The following TANC2 variants were observed in gnomAD, a reference collection of about 807,000 sequenced individuals.
TANC2 encodes the protein tetratricopeptide repeat, ankyrin repeat and coiled-coil containing 2.
In TANC2, 26 loss-of-function variants were observed where a neutral mutation model predicts 210.5. The observed-to-expected ratio is 0.12, with a 90% CI of 0.09 to 0.17. TANC2 has a LOEUF of 0.17. Ranked by LOEUF, TANC2 falls within the 10% of genes least tolerant of loss-of-function variation. The pLI, the probability that TANC2 is intolerant of heterozygous loss-of-function variation, is 1.00. For synonymous variants in TANC2, 931 were observed against 967.1 expected, an observed-to-expected ratio of 0.96 and a Z score of 0.69; for missense variants, 2,129 against 2,608.9, an observed-to-expected ratio of 0.82 and a Z score of 4.01.
At chr17:63,284,390 A>G (rs752235452) in intron 9 of TANC2, among the ~76,000 whole-genome samples, 2 of 151,962 alleles carry the variant, frequency 1.3e-5, no homozygotes, top group Non-Finnish European at 2.9e-5. Context: ...ACTGGTTTCT[A>G]GGGTTTTTTG....
rs1161201808 is a variant in TANC2, at chr17:63,255,056, ATTT to A, written c.1034-12688_1034-12686del. 6.4e-5 allele frequency among the ~76,000 whole-genome samples: 9 copies of A among 141,142 alleles called. No homozygotes were observed. In the East Asian group the frequency reaches 1.2e-3, roughly 19 times the overall value. The allele number at this position is 141,142 out of a possible 152,430, so 92.6% of individuals were successfully genotyped here. ...AGTTTGAGTAGGATTGGGAATAGTTATTTTTTATTTATTTATTTATTTATTTAT... is the reference window on the plus strand; with the variant it reads ...AGTTTGAGTAGGATTGGGAATAGTTATTTATTTATTTATTTATTTATTTAT... On this transcript the variant is annotated intron_variant, in intron 8 of 27. Transcript: ENST00000689528.
chr17:63,412,807 T>A lies in TANC2; in HGVS notation c.3928+98T>A. 7.3e-7 allele frequency: 1 copy of A among 1,367,772 alleles called. No individual in the cohort carries two copies. Among genetic ancestry groups the A allele is most frequent in the Non-Finnish European group, 9.8e-7 (1 of 1,022,242 alleles). 84.7% of individuals were successfully genotyped at this position (1,367,772 alleles called of 1,614,324 possible). A position where few individuals can be genotyped will look rare whatever the true frequency, so the allele number is the denominator to read the frequency against. On this transcript the variant is annotated intron_variant, in intron 24 of 27. Coordinates refer to ENST00000689528, the Ensembl canonical transcript of TANC2. This position sits in a 1 kb window ranked among gnomAD's most constrained non-coding sequence, Gnocchi z 4.2. ...AGCCTGCATGAGTTCCCTACACCTC[T>A]AATCTTTTAATTTACTTCACCTTAA...
chr17:63,323,927 A>G (rs567057036), intron 11 of TANC2, among the ~76,000 whole-genome samples: 43 of 152,362 alleles, frequency 2.8e-4, no homozygotes, highest in Non-Finnish European at 4.4e-4. Flanking sequence ...GACTGAGTCA[A>G]GATTTAAACT....
chr17:63,199,547 C>A (rs969101579), intron 6 of TANC2, among the ~76,000 whole-genome samples: 1 of 150,214 alleles, frequency 6.7e-6, no homozygotes, highest in Non-Finnish European at 1.5e-5. Context: ...TGAACCTGGG[C>A]AGCAGAGGTT....
intron 8 of TANC2, among the ~76,000 whole-genome samples, chr17:63,241,619 AG>A (rs1250860261): frequency 6.6e-6 from 1 of 152,230 alleles, no homozygotes; most frequent in Non-Finnish European, 1.5e-5. Flanking sequence ...TGGCCTACAA[AG>A]CCTGTATAAA....
chr17:62,984,851 T>G (rs2032490880), intron 1 of TANC2, among the ~76,000 whole-genome samples: 1 of 152,196 alleles, frequency 6.6e-6, no homozygotes, highest in Non-Finnish European at 1.5e-5. Context: ...AAACAATGTT[T>G]TAGACTTCTT....
At chr17:63,042,335 A>C (rs1033514567) in intron 2 of TANC2, among the ~76,000 whole-genome samples, 1 of 152,104 alleles carries the variant, frequency 6.6e-6, no homozygotes, top group Non-Finnish European at 1.5e-5. Flanking sequence ...ATATATATAG[A>C]TATGTCCTGA....
intron 17 of TANC2, 77 bp from the exon 18 acceptor site, chr17:63,395,666 G>A: frequency 7.5e-7 from 1 of 1,332,236 alleles, no homozygotes; most frequent in Non-Finnish European, 1.1e-6. Flanking sequence ...CTAGGCTTGT[G>A]CAGTGGCGGA....
At chr17:63,269,113 G>A (rs1315529246) in intron 9 of TANC2, among the ~76,000 whole-genome samples, 1 of 152,100 alleles carries the variant, frequency 6.6e-6, no homozygotes, top group African/African-American at 2.4e-5. Context: ...ACATCATTAT[G>A]CTAACAGTTT....
intron 7 of TANC2, among the ~76,000 whole-genome samples, chr17:63,218,065 C>T (rs2042070877): frequency 6.6e-6 from 1 of 152,054 alleles, no homozygotes; most frequent in Non-Finnish European, 1.5e-5. Context: ...AGGAGGATCA[C>T]TTGAGGCCAG....
chr17:63,080,505 C>A (rs1022248502), intron 3 of TANC2, among the ~76,000 whole-genome samples: 1 of 152,138 alleles, frequency 6.6e-6, no homozygotes, highest in Non-Finnish European at 1.5e-5. Context: ...TGGGAAAATG[C>A]GGACGATGTG....
intron 2 of TANC2, among the ~76,000 whole-genome samples, chr17:63,066,627 C>T (rs1249607608): frequency 6.6e-6 from 1 of 152,126 alleles, no homozygotes; most frequent in African/African-American, 2.4e-5. Flanking sequence ...AACCCCCGAC[C>T]TTAGTGGTAA....
intron 8 of TANC2, among the ~76,000 whole-genome samples, chr17:63,238,781 T>TTA (rs2042692103): frequency 6.6e-6 from 1 of 152,164 alleles, no homozygotes; most frequent in Non-Finnish European, 1.5e-5. Flanking sequence ...CTTGGGAAAC[T>TTA]TATAATCATG....
intron 19 of TANC2, among the ~76,000 whole-genome samples, chr17:63,402,552 T>C (rs1242972341): frequency 6.6e-6 from 1 of 152,204 alleles, no homozygotes; most frequent in African/African-American, 2.4e-5. Context: ...TGAAAGTAGA[T>C]GAAAGAGTCA....
chr17:63,170,454 AAGAAAATT>A (rs1279522451), intron 5 of TANC2, among the ~76,000 whole-genome samples: 2 of 151,908 alleles, frequency 1.3e-5, no homozygotes, highest in Non-Finnish European at 2.9e-5. Flanking sequence ...AAAAAAAAGA[AAGAAAATT>A]ATTTTGTTCA....
intron 9 of TANC2, among the ~76,000 whole-genome samples, chr17:63,298,056 A>G (rs560614571): frequency 1.3e-5 from 2 of 152,164 alleles, no homozygotes; most frequent in African/African-American, 4.8e-5. Flanking sequence ...AAAACTAACA[A>G]GTGTTAATGA....
At chr17:63,243,266 T>C (rs1382196837) in intron 8 of TANC2, among the ~76,000 whole-genome samples, 1 of 152,230 alleles carries the variant, frequency 6.6e-6, no homozygotes, top group Non-Finnish European at 1.5e-5. Flanking sequence ...AATAAGTTGG[T>C]ACTCCATTTT....
At chr17:63,101,883 C>T (rs541904339) in intron 4 of TANC2, among the ~76,000 whole-genome samples, 3 of 152,192 alleles carry the variant, frequency 2.0e-5, no homozygotes, top group East Asian at 1.9e-4. Context: ...GGGATCGGAG[C>T]TTTCCAGGCA....
chr17:63,132,081 G>A (rs1212402088), intron 4 of TANC2, among the ~76,000 whole-genome samples: 1 of 151,984 alleles, frequency 6.6e-6, no homozygotes, highest in African/African-American at 2.4e-5. Context: ...CAGGCTTTAG[G>A]TAATTCTGTT....
Sources: gnomAD v4.1 joint callset for allele counts (sites outside exome capture counted in the v4.1 genomes callset) on GRCh38, gnomAD v4.1.1 for gene constraint, Gnocchi (gnomAD v3.1) non-coding constraint, MANE v1.5 for transcripts, NCBI Gene and HGNC (gene_info 2026-07-23, HGNC 2026-07-21) for gene names.